The following PCDHA11 variants were observed in gnomAD, a reference collection of about 807,000 sequenced individuals.
The protein encoded by PCDHA11 is protocadherin alpha-11.
PCDHA11 carries 61 observed loss-of-function variants against 70.3 expected under a neutral mutation model. That is an observed-to-expected ratio of 0.87 (90% CI 0.71 to 1.07). PCDHA11 has a LOEUF of 1.07. Among genes scored for constraint, PCDHA11 ranks in the 50% least tolerant of loss-of-function variants. The probability of loss-of-function intolerance (pLI) is 0.00; values close to 1 mark genes in which losing one functional copy is unlikely to be tolerated. For missense variants in PCDHA11, 1,324 were observed against 1,237.5 expected (o/e 1.07, Z -1.05); for synonymous variants, 633 against 555.1 (o/e 1.14, Z -1.97).
At chr5:140,983,641 C>T (rs1030470329) in intron 3 of PCDHA11, among the ~76,000 whole-genome samples, 4 of 152,164 alleles carry the variant, frequency 2.6e-5, no homozygotes, top group Admixed American at 1.3e-4. Flanking sequence ...CCCAAGTTCA[C>T]GTAGCTTGTA....
intron 1 of PCDHA11, chr5:140,967,908 A>T (rs554849478): frequency 6.2e-7 from 1 of 1,614,138 alleles, no homozygotes; most frequent in Non-Finnish European, 8.5e-7. Context: ...GCTACACCCA[A>T]CACCATTGTG....
intron 1 of PCDHA11, chr5:140,882,573 G>A (rs2059201802): frequency 2.5e-6 from 4 of 1,614,234 alleles, no homozygotes; most frequent in Non-Finnish European, 3.4e-6. Flanking sequence ...AGCGCGGAGT[G>A]CAGCATCCAC....
intron 1 of PCDHA11, among the ~76,000 whole-genome samples, chr5:140,881,751 A>C (rs974973794): frequency 2.0e-5 from 3 of 152,206 alleles, no homozygotes; most frequent in African/African-American, 7.2e-5. Context: ...GGACAGTACC[A>C]CAAAAACCTA....
chr5:141,000,413 A>T (rs1563651324), intron 3 of PCDHA11, among the ~76,000 whole-genome samples: 4 of 93,212 alleles, frequency 4.3e-5, no homozygotes, highest in African/African-American at 1.8e-4. Flanking sequence ...ATATATATAT[A>T]TATATATATT....
In PCDHA11 at chr5:140,991,838, G is replaced by A. The variant is rs1056330823; in HGVS notation, c.2539+9275G>A. 3.3e-5 allele frequency among the ~76,000 whole-genome samples: 5 copies of A among 152,110 alleles called. No homozygotes were observed. In the East Asian group the frequency reaches 9.6e-4, roughly 29 times the overall value. ...TTTAGGCATTTATAACGGCAGAACC[G>A]CACTTCCAGATACCAAAATCTGTAT... On this transcript the variant is annotated intron_variant, in intron 3 of 3. Transcript: ENST00000398640.
chr5:140,895,413 C>T (rs141941836), intron 1 of PCDHA11, among the ~76,000 whole-genome samples: 52 of 152,240 alleles, frequency 3.4e-4, no homozygotes, highest in African/African-American at 1.0e-3. Flanking sequence ...GCCCCATAAC[C>T]TTCTTTTGCT....
chr5:140,918,445 A>G (rs2078702084), intron 1 of PCDHA11, among the ~76,000 whole-genome samples: 1 of 152,144 alleles, frequency 6.6e-6, no homozygotes, highest in African/African-American at 2.4e-5. Context: ...GAGTGGTGAC[A>G]GTGGGCATCC....
rs2058926605 is a variant in PCDHA11, at chr5:140,882,051, AC to A, written c.2391+10558del. The A allele has an allele frequency of 7.9e-6, 6 of 757,556 alleles. No homozygotes were observed. The Admixed American group carries it at 1.6e-4, about 20-fold the overall frequency. 46.9% of individuals were successfully genotyped at this position (757,556 alleles called of 1,614,324 possible). A position where few individuals can be genotyped will look rare whatever the true frequency, so the allele number is the denominator to read the frequency against. ...AAAATATGAAGACTGAGTCATACTT[AC>A]ACTTACACGTTCATGCGCATGGTGT... On this transcript the variant is annotated intron_variant, in intron 1 of 3. Coordinates refer to ENST00000398640, the MANE Select transcript of PCDHA11 (RefSeq NM_018902.5).
chr5:140,870,197 G>A lies in PCDHA11; in HGVS notation c.1094G>A (p.Ser365Asn). ...SLPVREDAQP[S>N]TVIALISVSD... is the part of the protein sequence containing the mutation. The stretch of plus-strand genomic sequence containing the variant: ...CCAGTACGAGAGGACGCTCAGCCCA[G>A]CACGGTCATTGCCCTGATCAGCGTG... Residue 365 changes from serine (S) to asparagine (N), a missense_variant, in exon 1 of 4, where the codon AGC (serine) becomes AAC (asparagine). Physicochemically the swap from Ser to Asn is conservative, Grantham distance 46. Coordinates refer to ENST00000398640, the MANE Select transcript of PCDHA11 (RefSeq NM_018902.5). 1 of 1,614,174 alleles carries A rather than the reference G, an allele frequency of 6.2e-7. No individual in the cohort carries two copies. Among genetic ancestry groups the A allele is most frequent in the East Asian group, 2.2e-5 (1 of 44,880 alleles).
Position 140,947,771 on chromosome 5 carries a change from T to C in PCDHA11, c.2392-31178T>C, listed in dbSNP as rs1167163964. ...TATTTTATGGTTTAAAAAATTCTAT[T>C]GTAAATGGATTTTAAACAGACTTTT... On this transcript the variant is annotated intron_variant, in intron 1 of 3. Transcript: ENST00000398640. 2.6e-5 allele frequency among the ~76,000 whole-genome samples: 4 copies of C among 151,706 alleles called. No individual in the cohort carries two copies. The East Asian group carries it at 5.8e-4, about 22-fold the overall frequency.
intron 1 of PCDHA11, among the ~76,000 whole-genome samples, chr5:140,916,856 G>C (rs529499839): frequency 2.6e-5 from 4 of 152,254 alleles, no homozygotes; most frequent in South Asian, 2.1e-4. Flanking sequence ...CCAGCACTAG[G>C]AGTTACCTAG....
chr5:140,982,507 G>T lies in PCDHA11; in HGVS notation c.2483G>T (p.Arg828Leu). Reference sequence around the variant, plus strand: ...CACCTAGAGGAGGCTGGCATTCTACGGGCTGGTCCAGGAGGGCCTGATCAG... The same window carrying T: ...CACCTAGAGGAGGCTGGCATTCTACTGGCTGGTCCAGGAGGGCCTGATCAG... The part of the protein sequence containing the change: ...SVHLEEAGIL[R>L]AGPGGPDQQW... The change falls in exon 3 of 4, where the codon CGG becomes CTG. Residue 828 changes from arginine to leucine, a missense_variant. Physicochemically the swap from Arg to Leu is moderately radical, Grantham distance 102. Coordinates refer to ENST00000398640, the MANE Select transcript of PCDHA11 (RefSeq NM_018902.5). 6.2e-7 allele frequency: 1 copy of T among 1,614,138 alleles called. No homozygotes were observed. Among genetic ancestry groups the T allele is most frequent in the Non-Finnish European group, 8.5e-7 (1 of 1,180,018 alleles).
intron 3 of PCDHA11, among the ~76,000 whole-genome samples, chr5:140,983,909 C>G (rs2097076070): frequency 6.6e-6 from 1 of 152,226 alleles, no homozygotes. Flanking sequence ...TGATTCTAAT[C>G]AGCCAGGATT....
chr5:140,994,377 G>T (rs1260163825), intron 3 of PCDHA11, among the ~76,000 whole-genome samples: 3 of 152,098 alleles, frequency 2.0e-5, no homozygotes, highest in Non-Finnish European at 4.4e-5. Context: ...GGAAATTCAG[G>T]GGACTAAGTC....
rs545349225 is a variant in PCDHA11, at chr5:140,969,608, C to T, written c.2392-9341C>T. On this transcript the variant is annotated intron_variant, in intron 1 of 3. Coordinates refer to ENST00000398640, the MANE Select transcript of PCDHA11 (RefSeq NM_018902.5). ...AGTCTTAATATTTAATGCTAAAACA[C>T]AGATTTGTAGAGAAACAGGACAGGC... 646 of 747,324 alleles carry T rather than the reference C, an allele frequency of 8.6e-4. 1 individual carries two copies. Among genetic ancestry groups the T allele is most frequent in the Middle Eastern group, 3.2e-3 (8 of 2,532 alleles). The allele number at this position is 747,324 out of a possible 1,614,324, so 46.3% of individuals were successfully genotyped here. A position where few individuals can be genotyped will look rare whatever the true frequency, so the allele number is the denominator to read the frequency against.
intron 1 of PCDHA11, chr5:140,967,776 C>T: frequency 1.2e-6 from 2 of 1,614,148 alleles, no homozygotes; most frequent in East Asian, 2.2e-5. Flanking sequence ...TATGTGCAGG[C>T]GACTGACCGG....
At chr5:140,924,901 A>AATAAAATAAAAT (rs145282866) in intron 1 of PCDHA11, among the ~76,000 whole-genome samples, 7 of 80,504 alleles carry the variant, frequency 8.7e-5, no homozygotes, top group Middle Eastern at 6.1e-3. Context: ...TCTCAAAAAA[A>AATAAAATAAAAT]AAAATAAAAT....
chr5:140,899,230 G>A (rs1487839667), intron 1 of PCDHA11, among the ~76,000 whole-genome samples: 4 of 152,058 alleles, frequency 2.6e-5, no homozygotes, highest in Admixed American at 6.5e-5. Flanking sequence ...ACACTATGTT[G>A]AATAGGAGTG....
chr5:140,928,105 C>T, intron 1 of PCDHA11: 6 of 1,614,150 alleles, frequency 3.7e-6, no homozygotes, highest in Middle Eastern at 1.6e-4. Flanking sequence ...GCCCCTGGAC[C>T]GGGAGCAGAT....
Sources: allele counts gnomAD v4.1 joint callset (sites outside exome capture counted in the v4.1 genomes callset), GRCh38; gene constraint gnomAD v4.1.1; transcripts MANE v1.5; gene names NCBI Gene and HGNC (gene_info 2026-07-23, HGNC 2026-07-21).